Variants in DEPDC5 observed in about 807,000 individuals in gnomAD.
DEPDC5 encodes DEP domain containing 5, GATOR1 subcomplex subunit.
A neutral mutation model predicts 217.3 loss-of-function variants in DEPDC5; 73 were observed. The ratio of observed to expected loss-of-function variants is 0.34; its 90% CI spans 0.28 to 0.41. The LOEUF is 0.41. Among genes scored for constraint, DEPDC5 ranks in the 10% least tolerant of loss-of-function variants. The pLI is 1.00. For synonymous variants in DEPDC5, 733 were observed against 756.7 expected (o/e 0.97, Z 0.51); for missense variants, 1,675 against 2,070.1 (o/e 0.81, Z 3.70).
At chr22:31,828,923 T>G (rs1157759373) in intron 24 of DEPDC5, among the ~76,000 whole-genome samples, 2 of 152,228 alleles carry the variant, frequency 1.3e-5, no homozygotes, top group Non-Finnish European at 2.9e-5. Context: ...GGGATTGAAC[T>G]GTGAATGGTT....
chr22:31,797,526 G>T, intron 12 of DEPDC5, 74 bp from the exon 13 acceptor site: 5 of 1,228,274 alleles, frequency 4.1e-6, no homozygotes, highest in Non-Finnish European at 6.0e-6. Flanking sequence ...AATTTGAGAT[G>T]AAATTTGGGA....
In DEPDC5 at chr22:31,906,441, C is replaced by A. The variant is rs768925194; in HGVS notation, c.4756C>A (p.Arg1586=). ...GGACTTCTGCATCAACCGTGACAAC[C>A]GGCTGGTCACGTTCTGGACAAGTTG... ...FTDFCINRDN[R]LVTFWTSCLE... is the part of the protein sequence containing the mutation. The change falls in exon 43 of 43, where the codon CGG becomes AGG. Residue 1586 remains arginine (R), a synonymous_variant. Coordinates refer to ENST00000651528, the MANE Select transcript of DEPDC5 (RefSeq NM_001242896.3). This position sits in a 1 kb window ranked among gnomAD's most constrained non-coding sequence, Gnocchi z 5.1. The A allele has an allele frequency of 4.3e-6, 7 of 1,613,926 alleles. No homozygotes were observed. Among genetic ancestry groups the A allele is most frequent in the African/African-American group, 1.3e-5 (1 of 74,948 alleles).
intron 14 of DEPDC5, among the ~76,000 whole-genome samples, chr22:31,799,442 A>G (rs2086620301): frequency 1.3e-5 from 2 of 149,946 alleles, no homozygotes; most frequent in Non-Finnish European, 3.0e-5. Context: ...TGCTGCACCT[A>G]TCAACCCATC....
intron 29 of DEPDC5, among the ~76,000 whole-genome samples, chr22:31,844,166 C>T (rs2091571532): frequency 6.6e-6 from 1 of 152,200 alleles, no homozygotes; most frequent in Admixed American, 6.5e-5. Context: ...GTGGAGGTTG[C>T]AGTGAGCCAA....
intron 25 of DEPDC5, 127 bp downstream of exon 25, chr22:31,834,107 G>T: frequency 1.1e-6 from 1 of 918,838 alleles, no homozygotes; most frequent in African/African-American, 1.6e-5. Context: ...CTGGGGTATG[G>T]GAAGGCGATG....
chr22:31,902,408 TTATATATATATA>T (rs66813737), intron 41 of DEPDC5, among the ~76,000 whole-genome samples: 9 of 111,948 alleles, frequency 8.0e-5, no homozygotes, highest in Admixed American at 1.0e-4. Flanking sequence ...CATCTCCTTA[TTATATATATATA>T]TATATATATA....
At chr22:31,769,473 A>G (rs2083137595) in intron 7 of DEPDC5, 1 of 152,202 alleles carries the variant, frequency 6.6e-6, no homozygotes, top group Admixed American at 6.6e-5. Context: ...CATTTTACAA[A>G]TTAGGAAACA....
At chr22:31,881,207 C>T (rs1015505639) in intron 38 of DEPDC5, among the ~76,000 whole-genome samples, 2 of 150,446 alleles carry the variant, frequency 1.3e-5, no homozygotes, top group African/African-American at 4.9e-5. Flanking sequence ...GAGGCCGAGG[C>T]AGGAGAATTG....
intron 24 of DEPDC5, among the ~76,000 whole-genome samples, chr22:31,831,610 A>C (rs12485200): frequency 1.3e-5 from 2 of 151,900 alleles, no homozygotes; most frequent in African/African-American, 4.8e-5. Context: ...ATAGGTGCCC[A>C]CCACCATGCC....
At chr22:31,856,439 T>G (rs1203852642) in intron 31 of DEPDC5, among the ~76,000 whole-genome samples, 1 of 152,172 alleles carries the variant, frequency 6.6e-6, no homozygotes, top group African/African-American at 2.4e-5. Context: ...ATGAAGCACT[T>G]AAGACTTCAG....
rs77115008 is a variant in DEPDC5 at position 31,808,946 on chromosome 22, A to T, written c.1288-665A>T. On this transcript the variant is annotated intron_variant, in intron 18 of 42. Transcript: ENST00000651528. ...CTGAAAGATTAAATATATATATATA[A>T]AAATAGAGATGGGGTCTTACTGTGT... is the stretch of plus-strand genomic sequence containing the variant. Among the ~76,000 whole-genome samples the T allele has an allele frequency of 1.2e-3, 187 of 151,954 alleles. 1 individual carries two copies. The East Asian group carries it at 0.012, about 10-fold the overall frequency.
chr22:31,783,674 C>T (rs2084691169), intron 8 of DEPDC5, among the ~76,000 whole-genome samples: 1 of 151,544 alleles, frequency 6.6e-6, no homozygotes, highest in African/African-American at 2.4e-5. Context: ...TGTCTCAAAA[C>T]AAAGGAAAAA....
chr22:31,892,441 T>G lies in DEPDC5; in HGVS notation c.4034-1141T>G, dbSNP rs142359780. On this transcript the variant is annotated intron_variant, in intron 38 of 42. Transcript: ENST00000651528. Reference sequence around the variant, plus strand: ...GCTCAAGCCTGTAATCCCAGCACTTTGAGAGGCCGAGGCGGGTGGAGCACC... The same window carrying G: ...GCTCAAGCCTGTAATCCCAGCACTTGGAGAGGCCGAGGCGGGTGGAGCACC... Among the ~76,000 whole-genome samples, 792 of 152,334 alleles carry G rather than the reference T, an allele frequency of 5.2e-3. 12 individuals are homozygous for G. Among genetic ancestry groups the G allele is most frequent in the African/African-American group, 0.018 (731 of 41,568 alleles).
chr22:31,885,671 G>T (rs1205267804), intron 38 of DEPDC5, among the ~76,000 whole-genome samples: 4 of 148,660 alleles, frequency 2.7e-5, no homozygotes, highest in African/African-American at 1.0e-4. Flanking sequence ...CTTGCAGTGA[G>T]CCGAGATCAT....
At chr22:31,875,589 G>A (rs1216546747) in intron 36 of DEPDC5, 2 of 147,472 alleles carry the variant, frequency 1.4e-5, no homozygotes, top group Non-Finnish European at 3.0e-5. Flanking sequence ...ATAGAGAAGT[G>A]TCAAATTTGT....
intron 31 of DEPDC5, among the ~76,000 whole-genome samples, chr22:31,855,301 A>C (rs544866228): frequency 2.0e-5 from 3 of 151,842 alleles, no homozygotes; most frequent in Non-Finnish European, 4.4e-5. Context: ...AATATTTGAC[A>C]TTAGAAAAAT....
intron 20 of DEPDC5, chr22:31,814,700 G>A: frequency 5.0e-6 from 2 of 402,982 alleles, no homozygotes; most frequent in Admixed American, 7.8e-5. Context: ...TGTTTTTAGT[G>A]ATGAGAGATT....
rs759952667 is a variant in DEPDC5, at chr22:31,797,697, C to A, written c.865C>A (p.Gln289Lys). ...IQYPVLVRLE[Q>K]AEGFPQGDNS... ...GTATCCAGTGTTGGTGCGACTGGAA[C>A]AGGCAGGTACTGCATTCATGTAATA... The change falls in exon 13 of 43, where the codon CAG (glutamine) becomes AAG (lysine). Residue 289 changes from glutamine to lysine, a missense_variant. Gln to Lys is a moderately conservative substitution (Grantham distance 53). This residue lies in a region of DEPDC5 where 628 missense variants were observed against 762.1 expected (regional missense o/e 0.82). Coordinates refer to ENST00000651528, the MANE Select transcript of DEPDC5 (RefSeq NM_001242896.3). The A allele has an allele frequency of 2.5e-6, 4 of 1,612,090 alleles. No individual in the cohort carries two copies. Among genetic ancestry groups the A allele is most frequent in the Non-Finnish European group, 3.4e-6 (4 of 1,178,204 alleles).
chr22:31,894,966 A>G (rs972612353), intron 39 of DEPDC5: 1 of 151,552 alleles, frequency 6.6e-6, no homozygotes, highest in Admixed American at 6.6e-5. Context: ...ACATGGAGAA[A>G]CCCCGTCTCT....
Sources: allele counts gnomAD v4.1 joint callset (sites outside exome capture counted in the v4.1 genomes callset), GRCh38; gene constraint gnomAD v4.1.1; regional missense constraint gnomAD v4.1.1; non-coding constraint Gnocchi (gnomAD v3.1); transcripts MANE v1.5; gene names NCBI Gene and HGNC (gene_info 2026-07-23, HGNC 2026-07-21).